The following DIAPH3 variants were observed in gnomAD, a reference collection of about 807,000 sequenced individuals.
DIAPH3 encodes the protein protein diaphanous homolog 3.
A neutral mutation model predicts 144.3 loss-of-function variants in DIAPH3; 117 were observed. That is an observed-to-expected ratio of 0.81 (90% CI 0.70 to 0.95). The LOEUF (loss-of-function observed/expected upper bound fraction) is 0.95, where lower values mean the gene tolerates loss of function less well. DIAPH3 is among the 40% of genes least tolerant of loss of function. DIAPH3 has a pLI of 0.00. For missense variants in DIAPH3, 1,421 were observed against 1,412.7 expected, an observed-to-expected ratio of 1.01 and a Z score of -0.09; for synonymous variants, 519 against 488.9, an observed-to-expected ratio of 1.06 and a Z score of -0.81.
intron 27 of DIAPH3, among the ~76,000 whole-genome samples, chr13:59,728,039 C>T (rs1424099552): frequency 6.7e-6 from 1 of 149,084 alleles, no homozygotes; most frequent in African/African-American, 2.5e-5. Flanking sequence ...TAAAGAAAGT[C>T]CTTACTAGAC....
At chr13:59,764,760 G>A (rs2037784466) in intron 27 of DIAPH3, among the ~76,000 whole-genome samples, 1 of 151,900 alleles carries the variant, frequency 6.6e-6, no homozygotes, top group Non-Finnish European at 1.5e-5. Context: ...AGAGCTAGGA[G>A]AGAGGCATGG....
rs1299833437 is a variant in DIAPH3, at chr13:59,765,782, A to G, written c.3319+8407T>C. 2.0e-5 allele frequency among the ~76,000 whole-genome samples: 3 copies of G among 152,286 alleles called. No homozygotes were observed. The East Asian group carries it at 5.8e-4, about 29-fold the overall frequency. On this transcript the variant is annotated intron_variant, in intron 27 of 27. Coordinates refer to ENST00000400324, the MANE Select transcript of DIAPH3 (RefSeq NM_001042517.2). ...TTTTTAATACTGACAGGTGGTTTCC[A>G]TATCTGTGGCTACTTGGAACTGACC...
intron 27 of DIAPH3, among the ~76,000 whole-genome samples, chr13:59,732,940 C>A (rs901512503): frequency 2.0e-5 from 3 of 152,040 alleles, no homozygotes; most frequent in East Asian, 1.9e-4. Context: ...AATACATCAC[C>A]TGTAGTACAG....
chr13:59,774,891 A>C, intron 25 of DIAPH3, 68 bp from the exon 26 acceptor site: 1 of 1,314,424 alleles, frequency 7.6e-7, no homozygotes, highest in Non-Finnish European at 1.1e-6. Flanking sequence ...AAGCATATAC[A>C]AAAACTGGTG....
chr13:59,896,086 G>T (rs2046077216), intron 20 of DIAPH3, among the ~76,000 whole-genome samples: 1 of 152,162 alleles, frequency 6.6e-6, no homozygotes, highest in South Asian at 2.1e-4. Context: ...GAAACAAAAT[G>T]AAATATGGAA....
At position 59,974,436 on chromosome 13, in the gene DIAPH3, G is replaced by A; in HGVS notation, c.1566C>T (p.Asp522=). Residue 522 remains aspartate, a synonymous_variant, in exon 15 of 28, where the codon GAC becomes GAT. Transcript: ENST00000400324. ...LYKKFEKEFT[D]HQETQAELQK... ...GCAATTCAGCCTGAGTTTCTTGGTGGTCGGTAAACTCTTTTTCAAACTGAA... is the reference window on the plus strand; with the variant it reads ...GCAATTCAGCCTGAGTTTCTTGGTGATCGGTAAACTCTTTTTCAAACTGAA... 6.2e-7 allele frequency: 1 copy of A among 1,611,206 alleles called. No individual in the cohort carries two copies. The highest frequency in any genetic ancestry group is 8.5e-7 in the Non-Finnish European group (1 of 1,179,318).
chr13:59,814,246 G>T (rs1379876770), intron 24 of DIAPH3, among the ~76,000 whole-genome samples: 1 of 151,926 alleles, frequency 6.6e-6, no homozygotes, highest in African/African-American at 2.4e-5. Context: ...CATTCCCATG[G>T]GTAATAAAAA....
intron 7 of DIAPH3, among the ~76,000 whole-genome samples, chr13:60,015,197 T>C (rs1288761184): frequency 6.6e-6 from 1 of 152,118 alleles, no homozygotes; most frequent in East Asian, 1.9e-4. Flanking sequence ...CGTCTCACTA[T>C]GTTGCCCAGG....
At chr13:60,141,040 C>T (rs1052431717) in intron 1 of DIAPH3, among the ~76,000 whole-genome samples, 15 of 152,166 alleles carry the variant, frequency 9.9e-5, no homozygotes, top group Admixed American at 3.3e-4. Flanking sequence ...CACTACATCA[C>T]AAGCACAAAT....
chr13:60,132,955 A>C lies in DIAPH3; in HGVS notation c.213+2T>G. The C allele has an allele frequency of 5.6e-6, 9 of 1,607,008 alleles. No homozygotes were observed. The highest frequency in any genetic ancestry group is 7.7e-6 in the Non-Finnish European group (9 of 1,174,334). The stretch of plus-strand genomic sequence containing the variant: ...CAAAGGAAAAGTTGAGGATAATCTT[A>C]CCATATCATCCGTCAGTGTCCTAAT... On this transcript the variant is annotated splice_donor_variant, in intron 2 of 27. Transcript: ENST00000400324. LOFTEE classifies it high-confidence loss of function.
intron 25 of DIAPH3, among the ~76,000 whole-genome samples, chr13:59,780,599 T>C (rs995169412): frequency 6.6e-6 from 1 of 152,150 alleles, no homozygotes; most frequent in Non-Finnish European, 1.5e-5. Context: ...AATTTGTAAA[T>C]GGTATTTTAA....
At position 59,810,831 on chromosome 13, in the gene DIAPH3, G is replaced by A. The variant is rs559289307; in HGVS notation, c.3120C>T (p.Leu1040=). The part of the protein sequence containing the change: ...IAKELAERER[L]ERQQKKKRLL... ...AACGCTTTTTCTTTTGTTGGCGTTCGAGTCTTTCTCGCTCTGCTAATTCTT... is the reference window on the plus strand; with the variant it reads ...AACGCTTTTTCTTTTGTTGGCGTTCAAGTCTTTCTCGCTCTGCTAATTCTT... Residue 1040 remains leucine, a synonymous_variant, in exon 25 of 28, where the codon CTC becomes CTT. Coordinates refer to ENST00000400324, the MANE Select transcript of DIAPH3 (RefSeq NM_001042517.2). 3.1e-6 allele frequency: 5 copies of A among 1,613,524 alleles called. No individual in the cohort carries two copies. Among genetic ancestry groups the A allele is most frequent in the East Asian group, 2.2e-5 (1 of 44,808 alleles).
At chr13:60,095,873 ATCC>A (rs2058092130) in intron 3 of DIAPH3, among the ~76,000 whole-genome samples, 1 of 152,138 alleles carries the variant, frequency 6.6e-6, no homozygotes, top group Non-Finnish European at 1.5e-5. Context: ...AAATGTAGGT[ATCC>A]CAGGGAAATA....
Position 60,093,642 on chromosome 13 carries a change from T to A in DIAPH3, c.481A>T (p.Thr161Ser). ...KKEMVMQYIN[T>S]ASKTGSLKRS... ...GTTTTACTTACTGTCTTAGAAGCAGTATTAATGTACTGCATCACCATTTCT... is the reference window on the plus strand; with the variant it reads ...GTTTTACTTACTGTCTTAGAAGCAGAATTAATGTACTGCATCACCATTTCT... The change falls in exon 4 of 28, where the codon ACT (threonine) becomes TCT (serine). Residue 161 changes from threonine (T) to serine (S), a missense_variant. Physicochemically the swap from Thr to Ser is moderately conservative, Grantham distance 58. Coordinates refer to ENST00000400324, the MANE Select transcript of DIAPH3 (RefSeq NM_001042517.2). 1 of 1,609,210 alleles carries A rather than the reference T, an allele frequency of 6.2e-7. No individual in the cohort carries two copies. Among genetic ancestry groups the A allele is most frequent in the Non-Finnish European group, 8.5e-7 (1 of 1,176,562 alleles).
intron 2 of DIAPH3, among the ~76,000 whole-genome samples, chr13:60,122,871 C>G (rs1421215464): frequency 6.6e-6 from 1 of 151,690 alleles, no homozygotes; most frequent in Admixed American, 6.6e-5. Context: ...TTCAAGAAAC[C>G]CCAAAGTTCT....
intron 25 of DIAPH3, among the ~76,000 whole-genome samples, chr13:59,776,666 T>C (rs1593821801): frequency 1.3e-5 from 2 of 152,130 alleles, no homozygotes; most frequent in Non-Finnish European, 2.9e-5. Flanking sequence ...TTTTGAATAC[T>C]TTAATGGCAT....
chr13:59,745,837 T>C (rs569917548), intron 27 of DIAPH3, among the ~76,000 whole-genome samples: 2 of 152,342 alleles, frequency 1.3e-5, no homozygotes, highest in East Asian at 3.9e-4. Flanking sequence ...AGAAATATTC[T>C]AATAGTTTCA....
At chr13:59,943,389 T>C (rs913290102) in intron 17 of DIAPH3, among the ~76,000 whole-genome samples, 4 of 152,166 alleles carry the variant, frequency 2.6e-5, no homozygotes, top group Non-Finnish European at 4.4e-5. Context: ...CTCCATTTCC[T>C]GGGGAAGGAC....
At position 59,781,388 on chromosome 13, in the gene DIAPH3, G is replaced by A. The variant is rs564655134; in HGVS notation, c.3164-6565C>T. Among the ~76,000 whole-genome samples the A allele has an allele frequency of 3.9e-5, 6 of 152,296 alleles. No individual in the cohort carries two copies. The East Asian group carries it at 5.8e-4, about 15-fold the overall frequency. On this transcript the variant is annotated intron_variant, in intron 25 of 27. Coordinates refer to ENST00000400324, the MANE Select transcript of DIAPH3 (RefSeq NM_001042517.2). ...GTGTCTATACATGCCATCTTAGAAAGAGACTGCAAGATGTGCTTTTGCAAA... is the reference window on the plus strand; with the variant it reads ...GTGTCTATACATGCCATCTTAGAAAAAGACTGCAAGATGTGCTTTTGCAAA...
Sources: gnomAD v4.1 joint callset for allele counts (sites outside exome capture counted in the v4.1 genomes callset) on GRCh38, gnomAD v4.1.1 for gene constraint, MANE v1.5 for transcripts, NCBI Gene and HGNC (gene_info 2026-07-23, HGNC 2026-07-21) for gene names.